RHOBTB1: variants seen among roughly 807,000 people sequenced by gnomAD.
RHOBTB1 encodes Rho related BTB domain containing 1.
RHOBTB1 carries 40 observed loss-of-function variants against 71.6 expected under a neutral mutation model. That is an observed-to-expected ratio of 0.56 (90% CI 0.43 to 0.73). The LOEUF (loss-of-function observed/expected upper bound fraction) is 0.73. Among genes scored for constraint, RHOBTB1 ranks in the 30% least tolerant of loss-of-function variants. The pLI is 0.00. For synonymous variants in RHOBTB1, 319 were observed against 334.9 expected (o/e 0.95, Z 0.52); for missense variants, 797 against 894.0 (o/e 0.89, Z 1.38).
intron 4 of RHOBTB1, among the ~76,000 whole-genome samples, chr10:60,902,623 T>C (rs1284581779): frequency 6.6e-6 from 1 of 152,180 alleles, no homozygotes; most frequent in Non-Finnish European, 1.5e-5. Flanking sequence ...TTTGAGGGTG[T>C]GGCTGAGTGT....
intron 7 of RHOBTB1, 125 bp downstream of exon 7, chr10:60,885,987 T>C: frequency 1.4e-6 from 1 of 730,240 alleles, no homozygotes; most frequent in Non-Finnish European, 2.5e-6. Flanking sequence ...TGACTAACAG[T>C]ATGATGACCA....
At chr10:60,994,597 A>AT (rs781555974) in intron 1 of RHOBTB1, among the ~76,000 whole-genome samples, 19 of 152,128 alleles carry the variant, frequency 1.2e-4, no homozygotes, top group Middle Eastern at 3.4e-3. Flanking sequence ...AAAAAGTTAG[A>AT]TTTTCTAATG....
chr10:60,998,470 A>T (rs2087136653), intron 1 of RHOBTB1, among the ~76,000 whole-genome samples: 1 of 152,214 alleles, frequency 6.6e-6, no homozygotes, highest in African/African-American at 2.4e-5. Flanking sequence ...ATATTAAACA[A>T]ATATAAATAA....
chr10:60,938,693 AC>A (rs2084736632), intron 2 of RHOBTB1, among the ~76,000 whole-genome samples: 1 of 152,210 alleles, frequency 6.6e-6, no homozygotes, highest in African/African-American at 2.4e-5. Context: ...TGCAAGAGTA[AC>A]CTGGAATGAA....
At chr10:60,895,799 GA>G (rs2082136808) in intron 4 of RHOBTB1, among the ~76,000 whole-genome samples, 1 of 152,234 alleles carries the variant, frequency 6.6e-6, no homozygotes, top group South Asian at 2.1e-4. Flanking sequence ...TTTACATAAA[GA>G]TTACACAGAA....
intron 2 of RHOBTB1, among the ~76,000 whole-genome samples, chr10:60,915,463 T>A (rs532429758): frequency 6.6e-6 from 1 of 152,112 alleles, no homozygotes; most frequent in Admixed American, 6.5e-5. Context: ...AAGAAAAGCC[T>A]GAAAGAATGG....
At chr10:60,976,185 A>C (rs1486448518) in intron 2 of RHOBTB1, among the ~76,000 whole-genome samples, 1 of 152,018 alleles carries the variant, frequency 6.6e-6, no homozygotes, top group Admixed American at 6.6e-5. Context: ...GTGGCACATA[A>C]GGAAAGCAGT....
At chr10:60,950,138 T>C (rs2085363086) in intron 2 of RHOBTB1, among the ~76,000 whole-genome samples, 2 of 152,350 alleles carry the variant, frequency 1.3e-5, no homozygotes, top group East Asian at 3.9e-4. Context: ...AAACAGTTTT[T>C]ATGGTCATCT....
intron 2 of RHOBTB1, among the ~76,000 whole-genome samples, chr10:60,974,540 T>C (rs1190967816): frequency 6.6e-6 from 1 of 152,066 alleles, no homozygotes; most frequent in South Asian, 2.1e-4. Context: ...TACACATCCA[T>C]CGAGATTGGG....
upstream of RHOBTB1, among the ~76,000 whole-genome samples, chr10:60,944,980 AAGACAGCCCATGCCTCCT>A (rs2085161789): frequency 6.6e-6 from 1 of 152,244 alleles, no homozygotes; most frequent in South Asian, 2.1e-4. Flanking sequence ...TTGGTCTTCC[AAGACAGCCCATGCCTCCT>A]CACAGAAACT....
chr10:60,953,842 T>C (rs2085494537), intron 2 of RHOBTB1, among the ~76,000 whole-genome samples: 1 of 152,188 alleles, frequency 6.6e-6, no homozygotes. Context: ...GAAAAACCCT[T>C]TGAAATTCAC....
intron 1 of RHOBTB1, among the ~76,000 whole-genome samples, chr10:60,990,910 G>A (rs2134957406): frequency 6.6e-6 from 1 of 152,294 alleles, no homozygotes; most frequent in African/African-American, 2.4e-5. Flanking sequence ...GATGTCTCAA[G>A]ACATCTCAAA....
At chr10:60,862,912 C>T in the RHOBTB1 span, among the ~76,000 whole-genome samples, 2 of 94,102 alleles carry the variant, frequency 2.1e-5, no homozygotes, top group Non-Finnish European at 4.2e-5. Flanking sequence ...TCCCTCTCCT[C>T]TTTCTTTTCT....
chr10:60,943,475 C>T (rs932982785), intron 1 of RHOBTB1, among the ~76,000 whole-genome samples: 1 of 152,164 alleles, frequency 6.6e-6, no homozygotes, highest in Non-Finnish European at 1.5e-5. Context: ...ACAACAGACT[C>T]CATAGACACG....
chr10:60,954,113 C>A (rs1392204109), intron 2 of RHOBTB1, among the ~76,000 whole-genome samples: 2 of 152,108 alleles, frequency 1.3e-5, no homozygotes, highest in African/African-American at 2.4e-5. Context: ...TCTACAAATA[C>A]AATGAACATT....
In RHOBTB1 at chr10:60,935,140, G is replaced by A. The variant is rs186627629; in HGVS notation, c.-11+6664C>T. Among the ~76,000 whole-genome samples the A allele has an allele frequency of 4.4e-3, 668 of 152,240 alleles. 2 individuals are homozygous for A. Among genetic ancestry groups the A allele is most frequent in the Non-Finnish European group, 7.4e-3 (501 of 68,014 alleles). ...ATAAATTGAGGACTATTTATACAAT[G>A]GAATATTATACACTACTAAAAATGA... On this transcript the variant is annotated intron_variant, in intron 2 of 10. Coordinates refer to ENST00000337910, the MANE Select transcript of RHOBTB1 (RefSeq NM_014836.5).
At chr10:60,929,450 C>G (rs781470407) in intron 2 of RHOBTB1, among the ~76,000 whole-genome samples, 1 of 152,036 alleles carries the variant, frequency 6.6e-6, no homozygotes, top group Non-Finnish European at 1.5e-5. Flanking sequence ...AACCCAAGTT[C>G]CCTTAAGGAA....
chr10:60,920,551 T>C (rs544298423), intron 2 of RHOBTB1, among the ~76,000 whole-genome samples: 1 of 151,810 alleles, frequency 6.6e-6, no homozygotes, highest in African/African-American at 2.4e-5. Flanking sequence ...GTCAGGAGTT[T>C]GGATCTTATT....
chr10:60,980,084 T>C (rs2086442564), intron 2 of RHOBTB1, among the ~76,000 whole-genome samples: 1 of 152,134 alleles, frequency 6.6e-6, no homozygotes, highest in African/African-American at 2.4e-5. Context: ...CAAAATTATA[T>C]GATTTATACT....
Sources: allele counts gnomAD v4.1 joint callset (sites outside exome capture counted in the v4.1 genomes callset), GRCh38; gene constraint gnomAD v4.1.1; transcripts MANE v1.5; gene names NCBI Gene and HGNC (gene_info 2026-07-23, HGNC 2026-07-21).